The following SFMBT1 variants were observed in gnomAD, a reference collection of about 807,000 sequenced individuals.
SFMBT1 encodes scm-like with four MBT domains protein 1.
A neutral mutation model predicts 108.7 loss-of-function variants in SFMBT1; 32 were observed. That is an observed-to-expected ratio of 0.29 (90% CI 0.22 to 0.40). SFMBT1 has a LOEUF of 0.40. Among genes scored for constraint, SFMBT1 ranks in the 10% least tolerant of loss-of-function variants. The probability of loss-of-function intolerance (pLI) is 1.00; values close to 1 mark genes in which losing one functional copy is unlikely to be tolerated. For synonymous variants in SFMBT1, 348 were observed against 369.5 expected (o/e 0.94, Z 0.67); for missense variants, 816 against 1,059.6 (o/e 0.77, Z 3.19).
At chr3:52,905,803 A>AT (rs903147382) in intron 20 of SFMBT1, among the ~76,000 whole-genome samples, 2 of 151,450 alleles carry the variant, frequency 1.3e-5, no homozygotes, top group East Asian at 1.9e-4. Flanking sequence ...GACAGATGCT[A>AT]TTTTTTTTTA....
intron 1 of SFMBT1, among the ~76,000 whole-genome samples, chr3:53,040,673 T>C (rs968175804): frequency 2.0e-5 from 3 of 151,712 alleles, no homozygotes; most frequent in South Asian, 2.1e-4. Context: ...TGCATCATGT[T>C]GGAAATATCA....
intron 4 of SFMBT1, among the ~76,000 whole-genome samples, chr3:52,940,492 A>T (rs1703146436): frequency 6.6e-6 from 1 of 152,152 alleles, no homozygotes; most frequent in African/African-American, 2.4e-5. Context: ...ATTATAACCC[A>T]TTAAATAAGA....
intron 1 of SFMBT1, among the ~76,000 whole-genome samples, chr3:53,014,252 T>C (rs1699050588): frequency 1.3e-5 from 2 of 152,222 alleles, no homozygotes; most frequent in African/African-American, 4.8e-5. Context: ...CATTTCTTCT[T>C]AGGCATTTCA....
intron 1 of SFMBT1, among the ~76,000 whole-genome samples, chr3:53,009,864 C>G (rs1367163577): frequency 1.3e-5 from 2 of 151,986 alleles, no homozygotes; most frequent in Non-Finnish European, 2.9e-5. Context: ...TTACTATTCA[C>G]TAAGTGGAAT....
At chr3:52,943,319 T>A (rs1219578136) in intron 4 of SFMBT1, 34 bp downstream of exon 4, 1 of 1,613,336 alleles carries the variant, frequency 6.2e-7, no homozygotes, top group East Asian at 2.2e-5. Flanking sequence ...TACAGTAAAA[T>A]CACGTCACGT....
chr3:53,041,201 T>G (rs1353490793), intron 1 of SFMBT1, among the ~76,000 whole-genome samples: 1 of 151,932 alleles, frequency 6.6e-6, no homozygotes, highest in Non-Finnish European at 1.5e-5. Context: ...AAACATCCTC[T>G]TGAATAAAAG....
At chr3:53,028,769 T>G (rs1333088356) in intron 1 of SFMBT1, among the ~76,000 whole-genome samples, 2 of 152,128 alleles carry the variant, frequency 1.3e-5, no homozygotes, top group African/African-American at 4.8e-5. Flanking sequence ...AAACGCCCAG[T>G]CTAGCACTCG....
intron 1 of SFMBT1, among the ~76,000 whole-genome samples, chr3:53,007,302 A>G (rs1698780629): frequency 1.3e-5 from 2 of 152,264 alleles, no homozygotes; most frequent in South Asian, 2.1e-4. Context: ...CAAAAAAGGA[A>G]TATCAGGCTG....
rs10646648 is a variant in SFMBT1, at chr3:52,974,833, TAAAAAAAAAAA to T, written c.-130-5586_-130-5576del. 3.6e-4 allele frequency among the ~76,000 whole-genome samples: 33 copies of T among 90,684 alleles called. 2 individuals are homozygous for T. The Admixed American group carries it at 4.1e-3, about 11-fold the overall frequency. The allele number at this position is 90,684 out of a possible 152,430, so 59.5% of individuals were successfully genotyped here. ...GGCAAGACCCTGTCTCTATAAAAAG[TAAAAAAAAAAA>T]AAAAAAAAAAAAATTAGCTGAGTGT... On this transcript the variant is annotated intron_variant, in intron 1 of 20. Coordinates refer to ENST00000394752, the MANE Select transcript of SFMBT1 (RefSeq NM_016329.4).
intron 1 of SFMBT1, among the ~76,000 whole-genome samples, chr3:53,028,905 G>A (rs184086958): frequency 3.0e-4 from 45 of 152,246 alleles, no homozygotes; most frequent in African/African-American, 1.0e-3. Context: ...GGGCGCGGTA[G>A]CTCATGCCTA....
At position 52,904,175 on chromosome 3, in the gene SFMBT1, G is replaced by A. The variant is rs185152322; in HGVS notation, c.*961C>T. ...ATTTTCACCCAAAGTAAAGACCTTA[G>A]AAATGAAACAGAGGTAGACAAACAA... On this transcript the variant is annotated 3_prime_UTR_variant, in exon 21 of 21. Transcript: ENST00000394752. 1 of 152,306 alleles carries A rather than the reference G, an allele frequency of 6.6e-6. No individual in the cohort carries two copies. Among genetic ancestry groups the A allele is most frequent in the Non-Finnish European group, 1.5e-5 (1 of 68,024 alleles). 9.4% of individuals were successfully genotyped at this position (152,306 alleles called of 1,614,324 possible).
At chr3:52,991,250 TC>T (rs1199561383) in intron 1 of SFMBT1, among the ~76,000 whole-genome samples, 1 of 151,574 alleles carries the variant, frequency 6.6e-6, no homozygotes, top group Non-Finnish European at 1.5e-5. Flanking sequence ...ATAACAGCTC[TC>T]CATTACCCTA....
rs113770973 is a variant in SFMBT1, at chr3:52,996,070, C to CAA, written c.-130-26814_-130-26813dup. Among the ~76,000 whole-genome samples the CAA allele has an allele frequency of 1.4e-4, 20 of 141,250 alleles. 1 individual carries two copies. The highest frequency in any genetic ancestry group is 6.2e-4 in the East Asian group (3 of 4,856). The allele number at this position is 141,250 out of a possible 152,430, so 92.7% of individuals were successfully genotyped here. A position where few individuals can be genotyped will look rare whatever the true frequency, so the allele number is the denominator to read the frequency against. On this transcript the variant is annotated intron_variant, in intron 1 of 20. Transcript: ENST00000394752. ...TGGGCAACAGGGTGAGACTCCATCT[C>CAA]AAAAAAAAACAAAACTTTTGCTCTT...
intron 1 of SFMBT1, among the ~76,000 whole-genome samples, chr3:52,971,402 C>T (rs1559532002): frequency 6.6e-6 from 1 of 152,188 alleles, no homozygotes; most frequent in Non-Finnish European, 1.5e-5. Flanking sequence ...CCGAAACCCA[C>T]ACTTTCAAAG....
At chr3:52,940,269 T>C (rs986253509) in intron 4 of SFMBT1, among the ~76,000 whole-genome samples, 2 of 152,240 alleles carry the variant, frequency 1.3e-5, no homozygotes, top group African/African-American at 4.8e-5. Context: ...CAGATCTTCG[T>C]TTCCAAATAC....
chr3:52,935,963 G>A (rs570396138), intron 4 of SFMBT1, among the ~76,000 whole-genome samples: 1 of 152,222 alleles, frequency 6.6e-6, no homozygotes, highest in South Asian at 2.1e-4. Flanking sequence ...TTGTTCTACT[G>A]TTCCCTGTAT....
intron 3 of SFMBT1, among the ~76,000 whole-genome samples, chr3:52,948,825 A>ATTTTTTTTTTTTTTTTTTTTTTTTT (rs71615878): frequency 2.6e-5 from 2 of 78,304 alleles, no homozygotes; most frequent in Non-Finnish European, 4.7e-5. Context: ...CTAATTTTTA[A>ATTTTTTTTTTTTTTTTTTTTTTTTT]TTTTTTTTTT....
At chr3:52,973,971 GA>G (rs1704432859) in intron 1 of SFMBT1, among the ~76,000 whole-genome samples, 1 of 152,170 alleles carries the variant, frequency 6.6e-6, no homozygotes. Context: ...TCAAGGCTAA[GA>G]TAAACATTGA....
chr3:53,019,644 T>C (rs72965354), intron 1 of SFMBT1, among the ~76,000 whole-genome samples: 9,279 of 152,188 alleles, frequency 0.061, 770 homozygotes, highest in South Asian at 0.18. Flanking sequence ...CTAGCCACCA[T>C]GAATTTTGAA....
Sources: gnomAD v4.1 joint callset for allele counts (sites outside exome capture counted in the v4.1 genomes callset) on GRCh38, gnomAD v4.1.1 for gene constraint, MANE v1.5 for transcripts, NCBI Gene and HGNC (gene_info 2026-07-23, HGNC 2026-07-21) for gene names.